The following IRAG1 variants were observed in gnomAD, a reference collection of about 807,000 sequenced individuals.
IRAG1 encodes inositol 1,4,5-triphosphate receptor associated 1, also known as IP3R-associated cGMP kinase substrate.
Under a neutral mutation model 106.2 loss-of-function variants are expected in IRAG1, and 62 were observed. The ratio of observed to expected loss-of-function variants is 0.58; its 90% CI spans 0.48 to 0.72. IRAG1 has a LOEUF of 0.72. Among genes scored for constraint, IRAG1 ranks in the 30% least tolerant of loss-of-function variants. IRAG1 has a pLI of 0.00. For missense variants in IRAG1, 1,064 were observed against 1,140.7 expected (o/e 0.93, Z 0.97); for synonymous variants, 462 against 443.9 (o/e 1.04, Z -0.51).
chr11:10,667,529 C>T (rs1045867290), intron 1 of IRAG1, among the ~76,000 whole-genome samples: 1 of 152,134 alleles, frequency 6.6e-6, no homozygotes, highest in Non-Finnish European at 1.5e-5. Context: ...ATTCCCTACT[C>T]ATAAAAATCT....
intron 8 of IRAG1, among the ~76,000 whole-genome samples, chr11:10,627,420 C>T (rs1451499345): frequency 2.6e-5 from 4 of 152,198 alleles, no homozygotes; most frequent in African/African-American, 9.7e-5. Context: ...ACAGGAGCCA[C>T]AGTCTCACCT....
chr11:10,582,576 G>A (rs1851502268), intron 18 of IRAG1, among the ~76,000 whole-genome samples: 3 of 152,348 alleles, frequency 2.0e-5, no homozygotes, highest in Admixed American at 2.0e-4. Flanking sequence ...GAGAGAATGT[G>A]TTTAGAGTGA....
At position 10,607,872 on chromosome 11, in the gene IRAG1, G is replaced by A. The variant is rs189937658; in HGVS notation, c.1572-1100C>T. On this transcript the variant is annotated intron_variant, in intron 11 of 20. Transcript: ENST00000423302. ...ACACGGGACAAACAGCTGCAGGGAT[G>A]TTTGACACTTACAGTCCTTGTCACA... is the stretch of plus-strand genomic sequence containing the variant. Among the ~76,000 whole-genome samples, 879 of 152,280 alleles carry A rather than the reference G, an allele frequency of 5.8e-3. 5 individuals carry two copies. Among genetic ancestry groups the A allele is most frequent in the Non-Finnish European group, 7.8e-3 (528 of 68,026 alleles).
intron 1 of IRAG1, among the ~76,000 whole-genome samples, chr11:10,655,022 G>A (rs1299394428): frequency 1.3e-5 from 2 of 152,220 alleles, no homozygotes; most frequent in African/African-American, 4.8e-5. Context: ...TTCAGCAGCA[G>A]TGGCATCAGT....
Position 10,644,595 on chromosome 11 carries a change from C to T in IRAG1, c.225+7430G>A, listed in dbSNP as rs114838019. The stretch of plus-strand genomic sequence containing the variant: ...CATCATGCCTGTGTCTTGGAGTTGT[C>T]GTGAGGTTGCTATGTGTAAAGTGCC... On this transcript the variant is annotated intron_variant, in intron 2 of 20. Transcript: ENST00000423302. Among the ~76,000 whole-genome samples the T allele has an allele frequency of 6.5e-3, 983 of 152,124 alleles. 11 individuals are homozygous for T. Among genetic ancestry groups the T allele is most frequent in the African/African-American group, 0.022 (925 of 41,504 alleles).
chr11:10,591,508 G>T, intron 18 of IRAG1, 40 bp downstream of exon 18: 1 of 1,537,434 alleles, frequency 6.5e-7, no homozygotes, highest in Non-Finnish European at 8.9e-7. Context: ...AAAATTTCCT[G>T]AGAGATCCCT....
chr11:10,597,681 T>G (rs1380217830), intron 15 of IRAG1, among the ~76,000 whole-genome samples: 1 of 152,214 alleles, frequency 6.6e-6, no homozygotes, highest in Non-Finnish European at 1.5e-5. Flanking sequence ...TAAGCTTATC[T>G]TAAAAAAATT....
Position 10,593,540 on chromosome 11 carries a change from C to T in IRAG1, c.2127G>A (p.Leu709=), listed in dbSNP as rs1591565842. The change falls in exon 17 of 21, where the codon CTG becomes CTA. Residue 709 remains leucine (L), a synonymous_variant. Coordinates refer to ENST00000423302, the MANE Select transcript of IRAG1 (RefSeq NM_130385.4). ...AVVPKFNALN[L]PGQTPSSSSI... is the part of the protein sequence containing the mutation. ...ATGATGAGCTGGGAGTTTGGCCAGGCAGATTCAGGGCATTAAACTTAGGAA... is the reference window on the plus strand; with the variant it reads ...ATGATGAGCTGGGAGTTTGGCCAGGTAGATTCAGGGCATTAAACTTAGGAA... 3.7e-6 allele frequency: 6 copies of T among 1,613,682 alleles called. No homozygotes were observed. The highest frequency in any genetic ancestry group is 1.3e-5 in the African/African-American group (1 of 74,896).
At position 10,617,288 on chromosome 11, in the gene IRAG1, C is replaced by A. The variant is rs1855507295; in HGVS notation, c.1447+6490G>T. 7.4e-6 allele frequency: 5 copies of A among 676,160 alleles called. No homozygotes were observed. The South Asian group carries it at 3.3e-4, about 45-fold the overall frequency. 41.9% of individuals were successfully genotyped at this position (676,160 alleles called of 1,614,324 possible). ...AGTAGATACACTTTGTCATTTCTTACAATAGTACTGCAAATAAAAAATAGC... is the reference window on the plus strand; with the variant it reads ...AGTAGATACACTTTGTCATTTCTTAAAATAGTACTGCAAATAAAAAATAGC... On this transcript the variant is annotated intron_variant, in intron 10 of 20. Coordinates refer to ENST00000423302, the MANE Select transcript of IRAG1 (RefSeq NM_130385.4).
Position 10,629,613 on chromosome 11 carries a change from C to A in IRAG1, c.499G>T (p.Ala167Ser). The change falls in exon 5 of 21, where the codon GCC (alanine) becomes TCC (serine). Residue 167 changes from alanine to serine, a missense_variant. Transcript: ENST00000423302. ...KKKNLALLEE[A>S]KLVSERFLTR... ...AGGAATCGCTCACTCACCAACTTGG[C>A]TTCTTCCAGCAGCGCCAGGTTTTTC... 3 of 1,614,034 alleles carry A rather than the reference C, an allele frequency of 1.9e-6. No homozygotes were observed. Among genetic ancestry groups the A allele is most frequent in the Non-Finnish European group, 1.7e-6 (2 of 1,179,892 alleles).
Position 10,591,584 on chromosome 11 carries a change from A to G in IRAG1, c.2204T>C (p.Leu735Pro). Residue 735 changes from leucine (L) to proline (P), a missense_variant, in exon 18 of 21, where the codon CTA becomes CCA. Physicochemically the swap from Leu to Pro is moderately conservative, Grantham distance 98. Coordinates refer to ENST00000423302, the MANE Select transcript of IRAG1 (RefSeq NM_130385.4). ...LSESPNGKGS[L>P]PVTSALPALL... Reference sequence around the variant, plus strand: ...TGCAGGCAGTGCTGAAGTGACAGGTAGGCTGCCTTTCCCATTGGGTGATTC... The same window carrying G: ...TGCAGGCAGTGCTGAAGTGACAGGTGGGCTGCCTTTCCCATTGGGTGATTC... 1 of 1,598,278 alleles carries G rather than the reference A, an allele frequency of 6.3e-7. No individual in the cohort carries two copies. The highest frequency in any genetic ancestry group is 8.5e-7 in the Non-Finnish European group (1 of 1,172,394).
At chr11:10,580,305 T>G (rs1231347151) in intron 20 of IRAG1, 150 bp downstream of exon 20, 2 of 1,178,142 alleles carry the variant, frequency 1.7e-6, no homozygotes, top group African/African-American at 1.5e-5. Flanking sequence ...TCCCAACATG[T>G]GTGCCCTCTT....
chr11:10,616,152 A>G lies in IRAG1; in HGVS notation c.1448-6301T>C, dbSNP rs183948638. ...AACCCTAGCTCTACTAAAAATACAAAAAATTAGCCCGGCGTGGTGGCGAGC... is the reference window on the plus strand; with the variant it reads ...AACCCTAGCTCTACTAAAAATACAAGAAATTAGCCCGGCGTGGTGGCGAGC... On this transcript the variant is annotated intron_variant, in intron 10 of 20. Transcript: ENST00000423302. 3.3e-3 allele frequency among the ~76,000 whole-genome samples: 496 copies of G among 151,600 alleles called. 3 individuals carry two copies. The highest frequency in any genetic ancestry group is 5.6e-3 in the Non-Finnish European group (377 of 67,856).
chr11:10,593,757 T>C, intron 16 of IRAG1, 158 bp from the exon 17 acceptor site: 1 of 622,028 alleles, frequency 1.6e-6, no homozygotes, highest in African/African-American at 1.8e-5. Context: ...GTGGAGAGAG[T>C]GGCCAAAGTT....
chr11:10,634,358 C>T (rs951071952), intron 2 of IRAG1, among the ~76,000 whole-genome samples: 2 of 152,140 alleles, frequency 1.3e-5, no homozygotes, highest in Admixed American at 1.3e-4. Context: ...GAAATGATTA[C>T]CACAGTCAGG....
chr11:10,582,005 T>C lies in IRAG1; in HGVS notation c.2241-19A>G, dbSNP rs114429608. On this transcript the variant is annotated intron_variant, in intron 18 of 20. Coordinates refer to ENST00000423302, the MANE Select transcript of IRAG1 (RefSeq NM_130385.4). ...CTTTCCACTAGTGAGAAGAGGGAAGTACAGGGCATCATTTCAGAAAAAGGT... is the reference window on the plus strand; with the variant it reads ...CTTTCCACTAGTGAGAAGAGGGAAGCACAGGGCATCATTTCAGAAAAAGGT... 4,854 of 1,600,260 alleles carry C rather than the reference T, an allele frequency of 3.0e-3. 136 individuals are homozygous for C. The African/African-American group carries it at 0.058, about 19-fold the overall frequency.
chr11:10,602,106 G>C (rs909066184), intron 14 of IRAG1, among the ~76,000 whole-genome samples: 2 of 152,230 alleles, frequency 1.3e-5, no homozygotes, highest in African/African-American at 4.8e-5. Context: ...TACTTCCCTA[G>C]AGTCCTCCCG....
intron 10 of IRAG1, chr11:10,617,097 A>C: frequency 1.0e-6 from 1 of 985,330 alleles, no homozygotes; most frequent in Non-Finnish European, 1.2e-6. Context: ...CTGAGTCTAG[A>C]CTGGGGGTTT....
rs377459195 is a variant in IRAG1 at position 10,581,954 on chromosome 11, G to A, written c.2273C>T (p.Ala758Val). ...GKTNGDPDCE[A>V]SAPALTLSCL... Reference sequence around the variant, plus strand: ...GCTCAGGGTCAGCGCAGGAGCAGAGGCTTCACAATCTGGGTCCCCATTTGT... The same window carrying A: ...GCTCAGGGTCAGCGCAGGAGCAGAGACTTCACAATCTGGGTCCCCATTTGT... Residue 758 changes from alanine (A) to valine (V), a missense_variant, in exon 19 of 21, where the codon GCC becomes GTC. Coordinates refer to ENST00000423302, the MANE Select transcript of IRAG1 (RefSeq NM_130385.4). 1 of 1,613,638 alleles carries A rather than the reference G, an allele frequency of 6.2e-7. No homozygotes were observed. Among genetic ancestry groups the A allele is most frequent in the Non-Finnish European group, 8.5e-7 (1 of 1,179,748 alleles).
Sources: allele counts gnomAD v4.1 joint callset (sites outside exome capture counted in the v4.1 genomes callset), GRCh38; gene constraint gnomAD v4.1.1; transcripts MANE v1.5; gene names NCBI Gene and HGNC (gene_info 2026-07-23, HGNC 2026-07-21).